The following ZNF667 variants were observed in gnomAD, a reference collection of about 807,000 sequenced individuals.
ZNF667 encodes the protein myocardial ischemic preconditioning upregulated 1 ortholog.
In ZNF667, 13 loss-of-function variants were observed where a neutral mutation model predicts 31.8. The observed-to-expected ratio is 0.41, with a 90% CI of 0.27 to 0.65. ZNF667 has a LOEUF of 0.65. Among genes scored for constraint, ZNF667 ranks in the 30% least tolerant of loss-of-function variants. The pLI, the probability that ZNF667 is intolerant of heterozygous loss-of-function variation, is 0.32. For missense variants in ZNF667, 642 were observed against 725.6 expected, an observed-to-expected ratio of 0.88 and a Z score of 1.32; for synonymous variants, 228 against 247.1, an observed-to-expected ratio of 0.92 and a Z score of 0.73.
chr19:56,441,137 T>C lies in ZNF667; in HGVS notation c.*25A>G, dbSNP rs375209846. On this transcript the variant is annotated 3_prime_UTR_variant, in exon 7 of 7. Coordinates refer to ENST00000504904, the MANE Select transcript of ZNF667 (RefSeq NM_001321356.2). The surrounding 1 kb of genome is among the most constrained non-coding windows in gnomAD (Gnocchi z 4.2). ...GCCATATGTTTGATAGCCTCATTCG[T>C]TGATTTTATAGATTTAAAACAACCT... 7.6e-6 allele frequency: 12 copies of C among 1,571,564 alleles called. No individual in the cohort carries two copies. Among genetic ancestry groups the C allele is most frequent in the Middle Eastern group, 3.4e-4 (2 of 5,844 alleles).
At position 56,468,743 on chromosome 19, in the gene ZNF667, T is replaced by C. The variant is rs372700432; in HGVS notation, c.-60+2956A>G. The stretch of plus-strand genomic sequence containing the variant: ...GCCAGGAAACAGGCTAAAGGCTAAA[T>C]AGTTATTTCTCAATAGCACAATCCT... On this transcript the variant is annotated intron_variant, in intron 3 of 6. Transcript: ENST00000504904. 6 of 152,308 alleles carry C rather than the reference T, an allele frequency of 3.9e-5. No homozygotes were observed. The East Asian group carries it at 9.6e-4, about 24-fold the overall frequency. The allele number at this position is 152,308 out of a possible 1,614,324, so 9.4% of individuals were successfully genotyped here. A position where few individuals can be genotyped will look rare whatever the true frequency, so the allele number is the denominator to read the frequency against.
chr19:56,448,897 C>A (rs567274717), intron 6 of ZNF667, among the ~76,000 whole-genome samples: 1 of 152,280 alleles, frequency 6.6e-6, no homozygotes, highest in South Asian at 2.1e-4. Context: ...CAGCACAGTC[C>A]CAGTGTTGGT....
intron 5 of ZNF667, among the ~76,000 whole-genome samples, chr19:56,459,179 T>C (rs2042993338): frequency 6.6e-6 from 1 of 152,168 alleles, no homozygotes; most frequent in African/African-American, 2.4e-5. Context: ...AAATCTCACA[T>C]GGAAAGGCAG....
chr19:56,440,764 G>A lies in ZNF667; in HGVS notation c.*398C>T. On this transcript the variant is annotated 3_prime_UTR_variant, in exon 7 of 7. Coordinates refer to ENST00000504904, the MANE Select transcript of ZNF667 (RefSeq NM_001321356.2). ...CGATTCTCCTGCCTCAGCCTCTCCA[G>A]TAGCTGAGATTACAGGTGCGCACCA... 2 of 522,886 alleles carry A rather than the reference G, an allele frequency of 3.8e-6. No homozygotes were observed. The highest frequency in any genetic ancestry group is 5.0e-6 in the Non-Finnish European group (2 of 397,194). 32.4% of individuals were successfully genotyped at this position (522,886 alleles called of 1,614,324 possible).
In ZNF667 at chr19:56,460,696, G is replaced by C; in HGVS notation, c.153C>G (p.Val51=). The C allele has an allele frequency of 6.2e-7, 1 of 1,612,048 alleles. No homozygotes were observed. The highest frequency in any genetic ancestry group is 8.5e-7 in the Non-Finnish European group (1 of 1,179,144). The change falls in exon 5 of 7, where the codon GTC becomes GTG. Residue 51 remains valine (V), a synonymous_variant. Transcript: ENST00000504904. The part of the protein sequence containing the change: ...DVMLENYRNL[V]SLGLSFRRPN... ...GGGGACGAAGAGCCTTACCAAGCGA[G>C]ACCAGGTTCCGGTAATTCTCCAACA...
At chr19:56,462,936 G>A (rs949179503) in intron 3 of ZNF667, among the ~76,000 whole-genome samples, 4 of 152,198 alleles carry the variant, frequency 2.6e-5, no homozygotes, top group Non-Finnish European at 5.9e-5. Flanking sequence ...ATTGAGCTGA[G>A]GTCTAAATAT....
chr19:56,462,207 G>T (rs922270151), intron 4 of ZNF667, 131 bp downstream of exon 4: 6 of 1,163,640 alleles, frequency 5.2e-6, no homozygotes, highest in Non-Finnish European at 7.6e-6. Flanking sequence ...TCATGGCAAC[G>T]GGAGAAAACC....
chr19:56,476,485 C>A (rs894676382), intron 1 of ZNF667, among the ~76,000 whole-genome samples: 12 of 152,166 alleles, frequency 7.9e-5, no homozygotes, highest in African/African-American at 2.9e-4. Context: ...ACCACCAGCA[C>A]CATAACCAAC....
At chr19:56,455,057 C>T (rs2042904481) in intron 6 of ZNF667, among the ~76,000 whole-genome samples, 1 of 152,096 alleles carries the variant, frequency 6.6e-6, no homozygotes, top group Non-Finnish European at 1.5e-5. Flanking sequence ...GTACACATGG[C>T]AAACAGGCAT....
intron 6 of ZNF667, among the ~76,000 whole-genome samples, chr19:56,446,318 A>G (rs1391167605): frequency 1.3e-5 from 2 of 152,212 alleles, no homozygotes; most frequent in African/African-American, 4.8e-5. Flanking sequence ...GGCACATGCT[A>G]TGACCTCTAA....
At chr19:56,456,599 C>G (rs2042936117) in intron 6 of ZNF667, among the ~76,000 whole-genome samples, 1 of 152,126 alleles carries the variant, frequency 6.6e-6, no homozygotes. Flanking sequence ...CTCTGTGACT[C>G]AGTACTATAG....
chr19:56,440,740 G>A lies in ZNF667; in HGVS notation c.*422C>T, dbSNP rs2165048. The stretch of plus-strand genomic sequence containing the variant: ...CAACCCCCACCTCCTGGGTTCAAGC[G>A]ATTCTCCTGCCTCAGCCTCTCCAGT... On this transcript the variant is annotated 3_prime_UTR_variant, in exon 7 of 7. Coordinates refer to ENST00000504904, the MANE Select transcript of ZNF667 (RefSeq NM_001321356.2). 0.14 allele frequency: 73,678 copies of A among 515,702 alleles called. 5,600 individuals carry two copies. Among genetic ancestry groups the A allele is most frequent in the African/African-American group, 0.17 (8,052 of 47,890 alleles). 31.9% of individuals were successfully genotyped at this position (515,702 alleles called of 1,614,324 possible). A position where few individuals can be genotyped will look rare whatever the true frequency, so the allele number is the denominator to read the frequency against.
At chr19:56,451,647 T>C (rs1174894375) in intron 6 of ZNF667, among the ~76,000 whole-genome samples, 2 of 151,986 alleles carry the variant, frequency 1.3e-5, no homozygotes, top group Non-Finnish European at 2.9e-5. Context: ...GGCAGGTGGA[T>C]TGCTTGAGCT....
chr19:56,462,720 G>A (rs1318323641), intron 3 of ZNF667, among the ~76,000 whole-genome samples: 1 of 152,204 alleles, frequency 6.6e-6, no homozygotes, highest in East Asian at 1.9e-4. Context: ...AGCACCTACT[G>A]GGTGTCCAGC....
At position 56,442,273 on chromosome 19, in the gene ZNF667, T is replaced by C. The variant is rs151094410; in HGVS notation, c.722A>G (p.Asn241Ser). The change falls in exon 7 of 7, where the codon AAT (asparagine) becomes AGT (serine). Residue 241 changes from asparagine (N) to serine (S), a missense_variant. Coordinates refer to ENST00000504904, the MANE Select transcript of ZNF667 (RefSeq NM_001321356.2). Reference sequence around the variant, plus strand: ...AACAACATGAATTTTCTGATGTATATTGAAAGACTGACATTGACTCAAGGC... The same window carrying C: ...AACAACATGAATTTTCTGATGTATACTGAAAGACTGACATTGACTCAAGGC... ...GKALSQCQSF[N>S]IHQKIHVVGN... 252 of 1,614,168 alleles carry C rather than the reference T, an allele frequency of 1.6e-4. 1 individual carries two copies. In the African/African-American group the frequency reaches 2.9e-3, roughly 19 times the overall value.
At chr19:56,449,808 G>C (rs2042783085) in intron 6 of ZNF667, among the ~76,000 whole-genome samples, 3 of 151,462 alleles carry the variant, frequency 2.0e-5, no homozygotes, top group Admixed American at 2.0e-4. Flanking sequence ...AGAGAATCAA[G>C]CAGAAATTCT....
chr19:56,467,106 G>T lies in ZNF667; in HGVS notation c.-60+4593C>A, dbSNP rs1249941597. 3 of 454,914 alleles carry T rather than the reference G, an allele frequency of 6.6e-6. No individual in the cohort carries two copies. The Admixed American group carries it at 7.1e-5, about 11-fold the overall frequency. 28.2% of individuals were successfully genotyped at this position (454,914 alleles called of 1,614,324 possible). ...GCGGGGTCCCATGCAGGTGAGCCAT[G>T]GTCCAGGAGGGGCCTCTAATTAGCA... On this transcript the variant is annotated intron_variant, in intron 3 of 6. Coordinates refer to ENST00000504904, the MANE Select transcript of ZNF667 (RefSeq NM_001321356.2).
At chr19:56,443,763 T>C (rs1436193423) in intron 6 of ZNF667, among the ~76,000 whole-genome samples, 1 of 152,086 alleles carries the variant, frequency 6.6e-6, no homozygotes, top group Non-Finnish European at 1.5e-5. Context: ...AGGTAAGAGA[T>C]TAGACTAAAA....
At chr19:56,477,935 G>C (rs2043453856), upstream of ZNF667, 1 of 152,526 alleles carries the variant, frequency 6.6e-6, no homozygotes, top group Non-Finnish European at 1.5e-5. Context: ...GGTGAAGAAG[G>C]CTTGGGCTGC....
Sources: gnomAD v4.1 joint callset for allele counts (sites outside exome capture counted in the v4.1 genomes callset) on GRCh38, gnomAD v4.1.1 for gene constraint, Gnocchi (gnomAD v3.1) non-coding constraint, MANE v1.5 for transcripts, NCBI Gene and HGNC (gene_info 2026-07-23, HGNC 2026-07-21) for gene names.